The following RPP30 variants were observed in gnomAD, a reference collection of about 807,000 sequenced individuals.
RPP30 encodes ribonuclease P/MRP subunit p30.
RPP30 carries 36 observed loss-of-function variants against 38.6 expected under a neutral mutation model. The ratio of observed to expected loss-of-function variants is 0.93; its 90% CI spans 0.71 to 1.23. The LOEUF (loss-of-function observed/expected upper bound fraction) is 1.23, where lower values mean the gene tolerates loss of function less well. Among genes scored for constraint, RPP30 ranks in the 50% most tolerant of loss-of-function variants. RPP30 has a pLI of 0.00. For synonymous variants in RPP30, 126 were observed against 112.7 expected, an observed-to-expected ratio of 1.12 and a Z score of -0.75; for missense variants, 321 against 321.7, an observed-to-expected ratio of 1.00 and a Z score of 0.02.
downstream of RPP30, chr10:90,903,312 T>G (rs763916273): frequency 2.2e-6 from 3 of 1,369,654 alleles, no homozygotes; most frequent in African/African-American, 2.9e-5. Flanking sequence ...TATTTTAAGC[T>G]TAAAATGCTT....
rs1320413763 is a variant in RPP30 at position 90,895,922 on chromosome 10, C to T, written c.617+5C>T. The T allele has an allele frequency of 6.3e-7, 1 of 1,597,094 alleles. No individual in the cohort carries two copies. The highest frequency in any genetic ancestry group is 1.3e-5 in the African/African-American group (1 of 74,352). ...GCCATATGACGTGGCAAATCTGTAT[C>T]CTTTTCTGAGTAAAAAGTTGTTGAC... On this transcript the variant is annotated splice_donor_5th_base_variant and intron_variant, in intron 9 of 10. Coordinates refer to ENST00000371703, the MANE Select transcript of RPP30 (RefSeq NM_006413.5).
At chr10:90,872,667 C>G (rs61857742) in intron 1 of RPP30, among the ~76,000 whole-genome samples, 1,628 of 152,182 alleles carry the variant, frequency 0.011, 13 homozygotes, top group Non-Finnish European at 0.018. Flanking sequence ...GTCATGGGTT[C>G]TGTATTCCGT....
chr10:90,895,443 C>A lies in RPP30; in HGVS notation c.550-11C>A. ...ATCTAAGATTAATATTAGTCACTTT[C>A]TATTTTGTAGAATGTAATTATATCT... On this transcript the variant is annotated splice_polypyrimidine_tract_variant and intron_variant, in intron 7 of 10. Coordinates refer to ENST00000371703, the MANE Select transcript of RPP30 (RefSeq NM_006413.5). 1.5e-6 allele frequency: 2 copies of A among 1,360,092 alleles called. No homozygotes were observed. Among genetic ancestry groups the A allele is most frequent in the Non-Finnish European group, 9.9e-7 (1 of 1,011,296 alleles). 84.3% of individuals were successfully genotyped at this position (1,360,092 alleles called of 1,614,324 possible). A position where few individuals can be genotyped will look rare whatever the true frequency, so the allele number is the denominator to read the frequency against.
chr10:90,873,048 C>G (rs112937679), intron 1 of RPP30, among the ~76,000 whole-genome samples: 203 of 152,258 alleles, frequency 1.3e-3, no homozygotes, highest in African/African-American at 4.6e-3. Context: ...GCAATTATTA[C>G]CTCCTCAATG....
intron 1 of RPP30, among the ~76,000 whole-genome samples, chr10:90,872,325 AG>A (rs949412958): frequency 3.3e-5 from 5 of 152,162 alleles, no homozygotes; most frequent in Non-Finnish European, 7.4e-5. Context: ...GGATTTGCAT[AG>A]GGGCCTACAG....
chr10:90,893,304 C>T (rs946514883), intron 6 of RPP30, among the ~76,000 whole-genome samples: 3 of 152,074 alleles, frequency 2.0e-5, no homozygotes, highest in East Asian at 1.9e-4. Flanking sequence ...CTCCATTCCC[C>T]GTAAATGCTC....
intron 6 of RPP30, among the ~76,000 whole-genome samples, chr10:90,889,071 T>G (rs112971133): frequency 1.3e-3 from 204 of 152,276 alleles, no homozygotes; most frequent in African/African-American, 4.6e-3. Flanking sequence ...CATACAGGTG[T>G]CTAGCTTGTT....
chr10:90,902,850 C>G (rs890479511), downstream of RPP30, among the ~76,000 whole-genome samples: 1 of 152,234 alleles, frequency 6.6e-6, no homozygotes, highest in African/African-American at 2.4e-5. Context: ...AGGCCACACA[C>G]CAAAAGTCTG....
At chr10:90,880,145 G>A (rs1360015814) in intron 5 of RPP30, 1 of 151,768 alleles carries the variant, frequency 6.6e-6, no homozygotes, top group Non-Finnish European at 1.5e-5. Flanking sequence ...ACTGTGAACA[G>A]TCAATTAAGA....
chr10:90,886,962 TTAG>T (rs568945555), intron 6 of RPP30, among the ~76,000 whole-genome samples: 42 of 151,806 alleles, frequency 2.8e-4, no homozygotes, highest in Non-Finnish European at 5.6e-4. Context: ...GCAAAAATTA[TTAG>T]TAGTAGTAGT....
intron 1 of RPP30, 59 bp from the exon 2 acceptor site, chr10:90,874,810 G>A (rs1846829579): frequency 2.5e-6 from 3 of 1,183,220 alleles, no homozygotes; most frequent in South Asian, 2.7e-5. Context: ...GGATGGACCT[G>A]TGTTACAGGA....
intron 5 of RPP30, among the ~76,000 whole-genome samples, chr10:90,884,619 T>C (rs1846975620): frequency 1.3e-5 from 2 of 152,212 alleles, no homozygotes; most frequent in Admixed American, 6.5e-5. Flanking sequence ...TTCCCAGGCT[T>C]ACTAAGTTAC....
At position 90,901,769 on chromosome 10, in the gene RPP30, A is replaced by C. The variant is rs750089841; in HGVS notation, c.*1090A>C. 5 of 985,098 alleles carry C rather than the reference A, an allele frequency of 5.1e-6. No individual in the cohort carries two copies. Among genetic ancestry groups the C allele is most frequent in the Non-Finnish European group, 6.0e-6 (5 of 829,648 alleles). The allele number at this position is 985,098 out of a possible 1,614,324, so 61.0% of individuals were successfully genotyped here. On this transcript the variant is annotated 3_prime_UTR_variant, in exon 11 of 11. Transcript: ENST00000371703. The stretch of plus-strand genomic sequence containing the variant: ...GAGCCAGAGGTATAACTGAATAAGA[A>C]ATTTTTTTAAGCAAGAGAAAGACAA...
At chr10:90,903,265 C>G, downstream of RPP30, 1 of 1,605,072 alleles carries the variant, frequency 6.2e-7, no homozygotes, top group Non-Finnish European at 8.5e-7. Context: ...GGCTTTGACC[C>G]TTCTTTAAAA....
intron 6 of RPP30, among the ~76,000 whole-genome samples, chr10:90,887,965 A>G (rs1847022515): frequency 6.6e-6 from 1 of 152,202 alleles, no homozygotes; most frequent in South Asian, 2.1e-4. Flanking sequence ...CCAGGTACCT[A>G]TGATAAAAGC....
intron 6 of RPP30, among the ~76,000 whole-genome samples, chr10:90,889,234 G>A (rs936901655): frequency 2.6e-5 from 4 of 151,648 alleles, no homozygotes; most frequent in African/African-American, 9.7e-5. Flanking sequence ...CCTTGGCTTT[G>A]AGTGTAAACT....
chr10:90,894,402 CTATGTTTG>C (rs1847116131), intron 6 of RPP30, among the ~76,000 whole-genome samples: 1 of 152,086 alleles, frequency 6.6e-6, no homozygotes, highest in Non-Finnish European at 1.5e-5. Context: ...ACTTGGTTTA[CTATGTTTG>C]TATACAGTTT....
chr10:90,903,197 A>G (rs1278255489), downstream of RPP30: 3 of 1,578,686 alleles, frequency 1.9e-6, no homozygotes, highest in Non-Finnish European at 2.6e-6. Flanking sequence ...TAAAGGAACT[A>G]GAATTCAACA....
chr10:90,884,266 A>G (rs1208860754), intron 5 of RPP30, among the ~76,000 whole-genome samples: 1 of 152,194 alleles, frequency 6.6e-6, no homozygotes, highest in African/African-American at 2.4e-5. Flanking sequence ...GACTCCACTT[A>G]TACCTACTAC....
Sources: allele counts gnomAD v4.1 joint callset (sites outside exome capture counted in the v4.1 genomes callset), GRCh38; gene constraint gnomAD v4.1.1; transcripts MANE v1.5; gene names NCBI Gene and HGNC (gene_info 2026-07-23, HGNC 2026-07-21).